The following HECW1 variants were observed in gnomAD, a reference collection of about 807,000 sequenced individuals.
HECW1 encodes E3 ubiquitin-protein ligase HECW1.
A neutral mutation model predicts 182.3 loss-of-function variants in HECW1; 61 were observed. The ratio of observed to expected loss-of-function variants is 0.33; its 90% CI spans 0.27 to 0.41. HECW1 has a LOEUF of 0.41. HECW1 is among the 10% of genes least tolerant of loss of function. HECW1 has a pLI of 1.00. For missense variants in HECW1, 1,739 were observed against 2,108.9 expected, an observed-to-expected ratio of 0.82 and a Z score of 3.44; for synonymous variants, 859 against 832.6, an observed-to-expected ratio of 1.03 and a Z score of -0.55.
At chr7:43,176,525 T>TC (rs1219763776) in intron 2 of HECW1, among the ~76,000 whole-genome samples, 2 of 152,242 alleles carry the variant, frequency 1.3e-5, no homozygotes, top group African/African-American at 4.8e-5. Context: ...TGGTGGGGAC[T>TC]CTGCAGAGGC....
At chr7:43,446,951 A>T (rs1433219644) in intron 11 of HECW1, among the ~76,000 whole-genome samples, 1 of 152,222 alleles carries the variant, frequency 6.6e-6, no homozygotes. Flanking sequence ...GAGTGGCATC[A>T]GGTGATGTAT....
chr7:43,319,000 G>A (rs1212722466), intron 4 of HECW1, among the ~76,000 whole-genome samples: 1 of 152,244 alleles, frequency 6.6e-6, no homozygotes, highest in East Asian at 1.9e-4. Context: ...CACTGAAAGT[G>A]TGGGGTCTGG....
chr7:43,350,652 A>G (rs931574297), intron 5 of HECW1, among the ~76,000 whole-genome samples: 2 of 152,098 alleles, frequency 1.3e-5, no homozygotes, highest in African/African-American at 4.8e-5. Context: ...GTTCAGTTCT[A>G]TTGCTGTGAC....
chr7:43,144,677 TTGTC>T (rs1412234310), intron 2 of HECW1, among the ~76,000 whole-genome samples: 1 of 152,200 alleles, frequency 6.6e-6, no homozygotes, highest in African/African-American at 2.4e-5. Context: ...TCTTGTTTCT[TTGTC>T]TGTTGCTTTA....
At chr7:43,169,403 C>A (rs890551520) in intron 2 of HECW1, among the ~76,000 whole-genome samples, 1 of 152,166 alleles carries the variant, frequency 6.6e-6, no homozygotes, top group African/African-American at 2.4e-5. Flanking sequence ...CACCCCTCAC[C>A]CTTTCTACTG....
chr7:43,444,793 G>A lies in HECW1; in HGVS notation c.1621G>A (p.Glu541Lys). The A allele has an allele frequency of 1.2e-6, 2 of 1,614,082 alleles. No individual in the cohort carries two copies. Among genetic ancestry groups the A allele is most frequent in the Non-Finnish European group, 1.7e-6 (2 of 1,180,020 alleles). Residue 541 changes from glutamate (E) to lysine (K), a missense_variant, in exon 11 of 30, where the codon GAG (glutamate) becomes AAG (lysine). By Grantham distance (56) the Glu-to-Lys change is moderately conservative (BLOSUM62 1). This residue lies in a region of HECW1 where 971 missense variants were observed against 1,029.1 expected (regional missense o/e 0.94). Coordinates refer to ENST00000395891, the MANE Select transcript of HECW1 (RefSeq NM_015052.5). The surrounding 1 kb of genome is among the most constrained non-coding windows in gnomAD (Gnocchi z 4.3). ...KSRPCSLPVSELETVIASACG... is the reference protein window; with the variant it reads ...KSRPCSLPVSKLETVIASACG... ...CAGGCCCTGCTCCTTGCCTGTGTCC[G>A]AGCTGGAGACGGTGATCGCGTCAGC... is the stretch of plus-strand genomic sequence containing the variant.
chr7:43,315,137 A>G (rs73092835), intron 4 of HECW1, among the ~76,000 whole-genome samples: 8,549 of 152,314 alleles, frequency 0.056, 277 homozygotes, highest in Middle Eastern at 0.082. Flanking sequence ...AAGAGGGGGA[A>G]GATACCTGGA....
chr7:43,171,684 G>A (rs1791709111), intron 2 of HECW1, among the ~76,000 whole-genome samples: 1 of 152,208 alleles, frequency 6.6e-6, no homozygotes. Context: ...TTGAAGAATT[G>A]TCTGAGAATG....
intron 13 of HECW1, among the ~76,000 whole-genome samples, chr7:43,459,663 G>A (rs187276860): frequency 3.5e-4 from 53 of 151,928 alleles, no homozygotes; most frequent in African/African-American, 4.3e-4. Flanking sequence ...TCAGCCTCCC[G>A]AGTAGCTGGG....
intron 2 of HECW1, among the ~76,000 whole-genome samples, chr7:43,160,458 A>G (rs1471289397): frequency 6.6e-6 from 1 of 152,126 alleles, no homozygotes; most frequent in Non-Finnish European, 1.5e-5. Context: ...TTACATTTCA[A>G]TGCTTTGACT....
At chr7:43,413,835 C>G (rs1444476087) in intron 8 of HECW1, among the ~76,000 whole-genome samples, 1 of 139,276 alleles carries the variant, frequency 7.2e-6, no homozygotes, top group East Asian at 2.1e-4. Context: ...GGTACCAGTA[C>G]CATGCTGTTT....
chr7:43,445,242 GTCCTGCTACAGCAGC>G lies in HECW1; in HGVS notation c.2073_2087del (p.Ser695_Ser699del). On this transcript the variant is annotated inframe_deletion, in exon 11 of 30. Coordinates refer to ENST00000395891, the MANE Select transcript of HECW1 (RefSeq NM_015052.5). ...GCTACAGCTCCTCGTGCTACAGCACGTCCTGCTACAGCAGCTCGTGCTACAGCGCCTCGTGCTACA... is the reference window on the plus strand; with the variant it reads ...GCTACAGCTCCTCGTGCTACAGCACGTCGTGCTACAGCGCCTCGTGCTACA... The G allele has an allele frequency of 1.9e-6, 3 of 1,613,132 alleles. No homozygotes were observed. Among genetic ancestry groups the G allele is most frequent in the Non-Finnish European group, 2.5e-6 (3 of 1,179,600 alleles).
In HECW1 at chr7:43,444,448, G is replaced by A. The variant is rs371781370; in HGVS notation, c.1276G>A (p.Gly426Arg). Reference protein sequence around the residue: ...AEEAAVITEAGDQGMVSVGPE... With the variant: ...AEEAAVITEARDQGMVSVGPE... ...GGAAGCAGCAGTCATCACGGAGGCA[G>A]GAGACCAGGGCATGGTCTCTGTGGG... The change falls in exon 11 of 30, where the codon GGA (glycine) becomes AGA (arginine). Residue 426 changes from glycine to arginine, a missense_variant. By Grantham distance (125) the Gly-to-Arg change is moderately radical. Transcript: ENST00000395891. The surrounding 1 kb of genome is among the most constrained non-coding windows in gnomAD (Gnocchi z 4.3). 6.2e-7 allele frequency: 1 copy of A among 1,613,668 alleles called. No individual in the cohort carries two copies. The highest frequency in any genetic ancestry group is 8.5e-7 in the Non-Finnish European group (1 of 1,179,900).
chr7:43,216,548 A>G (rs1312238853), intron 2 of HECW1, among the ~76,000 whole-genome samples: 4 of 152,170 alleles, frequency 2.6e-5, no homozygotes, highest in Non-Finnish European at 5.9e-5. Flanking sequence ...GGATCATGGT[A>G]AGCTGAAGAT....
intron 24 of HECW1, among the ~76,000 whole-genome samples, chr7:43,536,657 T>C (rs945763410): frequency 7.9e-5 from 12 of 152,036 alleles, no homozygotes; most frequent in African/African-American, 2.9e-4. Context: ...ATGGCCCCCA[T>C]GAGAAGCAGA....
chr7:43,253,840 A>G (rs535875031), intron 3 of HECW1, among the ~76,000 whole-genome samples: 3 of 152,264 alleles, frequency 2.0e-5, no homozygotes, highest in South Asian at 2.1e-4. Flanking sequence ...CCTGGAAGGC[A>G]GAGGTTGCAG....
At chr7:43,123,876 G>A (rs1223808923) in intron 2 of HECW1, among the ~76,000 whole-genome samples, 4 of 152,168 alleles carry the variant, frequency 2.6e-5, no homozygotes, top group African/African-American at 7.2e-5. Flanking sequence ...TCAGTTAAAC[G>A]GCACATATTG....
intron 29 of HECW1, among the ~76,000 whole-genome samples, chr7:43,558,737 A>G (rs2082114198): frequency 6.6e-6 from 1 of 152,162 alleles, no homozygotes; most frequent in South Asian, 2.1e-4. Flanking sequence ...TGAGGGTGCC[A>G]TCAGGGAGCT....
At chr7:43,249,145 C>T (rs1407425014) in intron 3 of HECW1, 8 of 152,332 alleles carry the variant, frequency 5.3e-5, no homozygotes, top group African/African-American at 1.9e-4. Flanking sequence ...TCCATCAGAA[C>T]TCGGGTCATC....
Sources: allele counts gnomAD v4.1 joint callset (sites outside exome capture counted in the v4.1 genomes callset), GRCh38; gene constraint gnomAD v4.1.1; regional missense constraint gnomAD v4.1.1; non-coding constraint Gnocchi (gnomAD v3.1); transcripts MANE v1.5; gene names NCBI Gene and HGNC (gene_info 2026-07-23, HGNC 2026-07-21).